TDRD5: variants seen among roughly 807,000 people sequenced by gnomAD.
TDRD5 encodes the protein tudor domain-containing protein 5.
A neutral mutation model predicts 120.6 loss-of-function variants in TDRD5; 41 were observed. The ratio of observed to expected loss-of-function variants is 0.34; its 90% CI spans 0.26 to 0.44. The LOEUF is 0.44. TDRD5 is among the 20% of genes least tolerant of loss of function. The probability of loss-of-function intolerance (pLI) is 1.00; values close to 1 mark genes in which losing one functional copy is unlikely to be tolerated. For synonymous variants in TDRD5, 430 were observed against 433.7 expected (o/e 0.99, Z 0.11); for missense variants, 1,006 against 1,221.2 (o/e 0.82, Z 2.63).
At chr1:179,642,728 C>T (rs1006048989) in intron 11 of TDRD5, among the ~76,000 whole-genome samples, 3 of 152,136 alleles carry the variant, frequency 2.0e-5, no homozygotes, top group East Asian at 1.9e-4. Context: ...TGGCTTTGTG[C>T]CTGGTAAATG....
intron 17 of TDRD5, among the ~76,000 whole-genome samples, chr1:179,670,856 G>A (rs931342948): frequency 3.9e-5 from 6 of 152,076 alleles, no homozygotes; most frequent in African/African-American, 1.4e-4. Context: ...AGTATCTTTG[G>A]AAGAGCAAAA....
At chr1:179,671,866 C>T (rs1378513314) in intron 17 of TDRD5, among the ~76,000 whole-genome samples, 1 of 152,058 alleles carries the variant, frequency 6.6e-6, no homozygotes, top group Non-Finnish European at 1.5e-5. Flanking sequence ...AATTACTTCA[C>T]TTAGAATAAT....
In TDRD5 at chr1:179,679,074, C is replaced by T. The variant is rs546413618; in HGVS notation, c.2860+9670C>T. On this transcript the variant is annotated intron_variant, in intron 17 of 17. Transcript: ENST00000444136. Reference sequence around the variant, plus strand: ...ATTTCTGATAGTTTTTATTATGAATCGGTGTTGAATCTTATCAAATGCTTA... The same window carrying T: ...ATTTCTGATAGTTTTTATTATGAATTGGTGTTGAATCTTATCAAATGCTTA... Among the ~76,000 whole-genome samples, 60 of 152,246 alleles carry T rather than the reference C, an allele frequency of 3.9e-4. 1 individual carries two copies. Among genetic ancestry groups the T allele is most frequent in the African/African-American group, 1.3e-3 (56 of 41,546 alleles).
In TDRD5 at chr1:179,593,504, A is replaced by C; in HGVS notation, c.277A>C (p.Lys93Gln). 6.2e-7 allele frequency: 1 copy of C among 1,614,152 alleles called. No homozygotes were observed. Among genetic ancestry groups the C allele is most frequent in the Middle Eastern group, 1.7e-4 (1 of 6,060 alleles). Residue 93 changes from lysine to glutamine, a missense_variant, in exon 3 of 18, where the codon AAA (lysine) becomes CAA (glutamine). Physicochemically the swap from Lys to Gln is moderately conservative, Grantham distance 53 (BLOSUM62 1). Transcript: ENST00000444136. Reference sequence around the variant, plus strand: ...CAAAGGAATAGCAAGCTTAGTTGCAAAACAGAGGAGCAGCCATAAGCTTCG... The same window carrying C: ...CAAAGGAATAGCAAGCTTAGTTGCACAACAGAGGAGCAGCCATAAGCTTCG... ...STKGIASLVA[K>Q]QRSSHKLRNS...
intron 11 of TDRD5, among the ~76,000 whole-genome samples, chr1:179,641,350 T>C (rs1445477862): frequency 2.0e-5 from 3 of 152,024 alleles, no homozygotes; most frequent in African/African-American, 7.2e-5. Context: ...GCCAACATGG[T>C]GAAACCCCAT....
At chr1:179,620,658 GT>G (rs1007383668) in intron 5 of TDRD5, among the ~76,000 whole-genome samples, 5 of 152,162 alleles carry the variant, frequency 3.3e-5, no homozygotes, top group Non-Finnish European at 7.4e-5. Context: ...ATTTTCCAAA[GT>G]TTTTTCTAAT....
Position 179,651,130 on chromosome 1 carries a change from GAT to G in TDRD5, c.2001+65_2001+66del. The G allele has an allele frequency of 2.0e-6, 3 of 1,527,020 alleles. No homozygotes were observed. The African/African-American group carries it at 4.2e-5, about 21-fold the overall frequency. 94.6% of individuals were successfully genotyped at this position (1,527,020 alleles called of 1,614,324 possible). ...TTAATTTCACCACGTCAAGGTATAA[GAT>G]AATTTAATAAAGAAGTTTATTTGGT... On this transcript the variant is annotated intron_variant, in intron 12 of 17. Transcript: ENST00000444136.
chr1:179,654,491 G>A, intron 14 of TDRD5, 129 bp downstream of exon 14: 1 of 1,035,612 alleles, frequency 9.7e-7, no homozygotes, highest in Non-Finnish European at 1.3e-6. Flanking sequence ...TAGGCCAAGT[G>A]CAATGGTTCA....
chr1:179,609,829 A>C (rs981846026), intron 4 of TDRD5, among the ~76,000 whole-genome samples: 1 of 152,102 alleles, frequency 6.6e-6, no homozygotes, highest in Non-Finnish European at 1.5e-5. Context: ...GCAAATCAGT[A>C]CTCATCTAGA....
rs188991084 is a variant in TDRD5 at position 179,615,170 on chromosome 1, G to A, written c.832-3429G>A. 1.6e-4 allele frequency among the ~76,000 whole-genome samples: 25 copies of A among 152,056 alleles called. 1 individual carries two copies. Among genetic ancestry groups the A allele is most frequent in the East Asian group, 1.2e-3 (6 of 5,172 alleles). ...ATTGTAATTACATATATATATGATC[G>A]ATTCAGGTCTATCTCTGCAAGTTCC... On this transcript the variant is annotated intron_variant, in intron 4 of 17. Coordinates refer to ENST00000444136, the MANE Select transcript of TDRD5 (RefSeq NM_001199085.3).
intron 6 of TDRD5, among the ~76,000 whole-genome samples, chr1:179,629,367 G>A (rs1193409706): frequency 6.6e-6 from 1 of 151,974 alleles, no homozygotes; most frequent in Non-Finnish European, 1.5e-5. Context: ...CATATTAGAA[G>A]GTCTTCCACT....
intron 14 of TDRD5, among the ~76,000 whole-genome samples, chr1:179,659,671 G>A (rs1338750178): frequency 6.6e-6 from 1 of 150,926 alleles, no homozygotes; most frequent in Admixed American, 6.6e-5. Flanking sequence ...TCTTGAGACA[G>A]CATATAGTTT....
At chr1:179,623,364 C>A (rs757941517) in intron 6 of TDRD5, among the ~76,000 whole-genome samples, 2 of 152,050 alleles carry the variant, frequency 1.3e-5, no homozygotes, top group Non-Finnish European at 2.9e-5. Flanking sequence ...CTGTTTAAAG[C>A]AAAAATTACA....
At chr1:179,635,400 A>C (rs1317981885) in intron 8 of TDRD5, among the ~76,000 whole-genome samples, 1 of 152,172 alleles carries the variant, frequency 6.6e-6, no homozygotes, top group Non-Finnish European at 1.5e-5. Flanking sequence ...AACGCTTTTA[A>C]ACTCTATACC....
In TDRD5 at chr1:179,592,648, G is replaced by C; in HGVS notation, c.33G>C (p.Leu11=). The change falls in exon 2 of 18, where the codon CTG becomes CTC. Residue 11 remains leucine (L), a synonymous_variant. Coordinates refer to ENST00000444136, the MANE Select transcript of TDRD5 (RefSeq NM_001199085.3). MSEQERIQEC[L]RKEIRSLLIS... ...AACAAGAGCGTATACAGGAATGTCT[G>C]CGGAAGGAAATAAGGTCACTTCTCA... 6.2e-7 allele frequency: 1 copy of C among 1,614,056 alleles called. No individual in the cohort carries two copies. The highest frequency in any genetic ancestry group is 8.5e-7 in the Non-Finnish European group (1 of 1,180,016).
At chr1:179,686,016 T>C (rs1680691561) in intron 17 of TDRD5, among the ~76,000 whole-genome samples, 1 of 152,208 alleles carries the variant, frequency 6.6e-6, no homozygotes, top group South Asian at 2.1e-4. Flanking sequence ...CCTCTTTTCC[T>C]AACTGAATAC....
chr1:179,592,575 T>G, intron 1 of TDRD5, 27 bp from the exon 2 acceptor site: 1 of 1,589,558 alleles, frequency 6.3e-7, no homozygotes, highest in Admixed American at 1.7e-5. Flanking sequence ...TTTGCCCCCT[T>G]TTCCTCAGCT....
chr1:179,618,494 T>C (rs1037648085), intron 4 of TDRD5, 105 bp from the exon 5 acceptor site: 4 of 674,938 alleles, frequency 5.9e-6, no homozygotes, highest in Middle Eastern at 2.8e-4. Flanking sequence ...TTAATTGCAA[T>C]ATGTCTCCTT....
intron 17 of TDRD5, among the ~76,000 whole-genome samples, chr1:179,688,507 C>G (rs1680886796): frequency 6.6e-6 from 1 of 152,170 alleles, no homozygotes; most frequent in Non-Finnish European, 1.5e-5. Flanking sequence ...TTTGGTGAAT[C>G]TGACAATTAT....
Sources: allele counts gnomAD v4.1 joint callset (sites outside exome capture counted in the v4.1 genomes callset), GRCh38; gene constraint gnomAD v4.1.1; transcripts MANE v1.5; gene names NCBI Gene and HGNC (gene_info 2026-07-23, HGNC 2026-07-21).